Variants in PRDM6 observed in about 807,000 individuals in gnomAD.
PRDM6 encodes the protein PR/SET domain 6.
PRDM6 carries 25 observed loss-of-function variants against 60.8 expected under a neutral mutation model. That is an observed-to-expected ratio of 0.41 (90% CI 0.30 to 0.57). PRDM6 has a LOEUF of 0.57. PRDM6 is among the 20% of genes least tolerant of loss of function. PRDM6 has a pLI of 0.27. For missense variants in PRDM6, 839 were observed against 821.3 expected (o/e 1.02, Z -0.26); for synonymous variants, 407 against 357.4 (o/e 1.14, Z -1.57).
intron 3 of PRDM6, among the ~76,000 whole-genome samples, chr5:123,126,083 A>G (rs465305): frequency 0.88 from 133,734 of 152,202 alleles, 59,223 homozygotes; most frequent in East Asian, 0.99. Context: ...TAAGAACTCA[A>G]TTACTTACAT....
At chr5:123,165,695 A>T (rs972214116) in intron 5 of PRDM6, among the ~76,000 whole-genome samples, 3 of 152,166 alleles carry the variant, frequency 2.0e-5, no homozygotes, top group African/African-American at 7.2e-5. Flanking sequence ...ATTCTTTCAG[A>T]GATAATTTTT....
At chr5:123,164,220 G>A (rs970007758) in intron 5 of PRDM6, among the ~76,000 whole-genome samples, 3 of 152,192 alleles carry the variant, frequency 2.0e-5, no homozygotes, top group Non-Finnish European at 4.4e-5. Context: ...GGTGGCCACA[G>A]CAGAGAGCTT....
chr5:123,151,760 AC>A (rs1304304827), intron 3 of PRDM6, among the ~76,000 whole-genome samples: 4 of 152,060 alleles, frequency 2.6e-5, no homozygotes, highest in Non-Finnish European at 2.9e-5. Context: ...GTGCTTTTTC[AC>A]ACAGGGTCCC....
In PRDM6 at chr5:123,190,291, T is replaced by C. The variant is rs374821350; in HGVS notation, c.*3090T>C. The stretch of plus-strand genomic sequence containing the variant: ...ATGCCAGGGAAAAGTCAGGGTGCAA[T>C]AGGATGAGAGATGGAGCTGCAGACC... On this transcript the variant is annotated 3_prime_UTR_variant, in exon 8 of 8. Coordinates refer to ENST00000407847, the MANE Select transcript of PRDM6 (RefSeq NM_001136239.4). 20 of 152,246 alleles carry C rather than the reference T, an allele frequency of 1.3e-4. 2 individuals carry two copies. Among genetic ancestry groups the C allele is most frequent in the Admixed American group, 4.6e-4 (7 of 15,286 alleles). The allele number at this position is 152,246 out of a possible 1,614,324, so 9.4% of individuals were successfully genotyped here.
rs113781919 is a variant in PRDM6 at position 123,134,454 on chromosome 5, G to A, written c.901-21430G>A. ...AAGTTTATTTTAATGAAAGGAATTG[G>A]TACAGTATGTTAACCAAATATGAAT... On this transcript the variant is annotated intron_variant, in intron 3 of 7. Transcript: ENST00000407847. Among the ~76,000 whole-genome samples, 1,414 of 152,170 alleles carry A rather than the reference G, an allele frequency of 9.3e-3. 30 individuals are homozygous for A. Among genetic ancestry groups the A allele is most frequent in the African/African-American group, 0.032 (1,343 of 41,530 alleles).
intron 3 of PRDM6, among the ~76,000 whole-genome samples, chr5:123,147,279 A>AAGAGAGAGAGAGAGAGAGAGAGAGAGAG (rs3036135): frequency 1.1e-3 from 160 of 147,534 alleles, no homozygotes; most frequent in African/African-American, 3.7e-3. Context: ...TGATACTAAA[A>AAGAGAGAGAGAGAGAGAGAGAGAGAGAG]AGAGAGAGAG....
Position 123,090,463 on chromosome 5 carries a change from G to T in PRDM6, c.449G>T (p.Cys150Phe). 2.0e-6 allele frequency: 3 copies of T among 1,481,840 alleles called. No homozygotes were observed. The South Asian group carries it at 3.8e-5, about 19-fold the overall frequency. The allele number at this position is 1,481,840 out of a possible 1,614,324, so 91.8% of individuals were successfully genotyped here. ...ACCTCCGGCCCCGGGCCCGTCAAGTGCGGTGGTGGTGGCGGCGGCGGCGGG... is the reference window on the plus strand; with the variant it reads ...ACCTCCGGCCCCGGGCCCGTCAAGTTCGGTGGTGGTGGCGGCGGCGGCGGG... Reference protein sequence around the residue: ...GATSGPGPVKCGGGGGGGGEG... With the variant: ...GATSGPGPVKFGGGGGGGGEG... The change falls in exon 2 of 8, where the codon TGC (cysteine) becomes TTC (phenylalanine). Residue 150 changes from cysteine to phenylalanine, a missense_variant. Cys to Phe is a radical substitution (Grantham distance 205). This residue lies in a region of PRDM6 where 730 missense variants were observed against 648.8 expected (regional missense o/e 1.13). Coordinates refer to ENST00000407847, the MANE Select transcript of PRDM6 (RefSeq NM_001136239.4).
At chr5:123,102,983 C>T (rs1349072061) in intron 3 of PRDM6, among the ~76,000 whole-genome samples, 1 of 151,998 alleles carries the variant, frequency 6.6e-6, no homozygotes, top group Non-Finnish European at 1.5e-5. Context: ...GCTCTATTTT[C>T]TTTGTAGAAA....
Position 123,099,757 on chromosome 5 carries a change from G to GC in PRDM6, c.701dup (p.Pro235AlafsTer69). The GC allele has an allele frequency of 6.5e-7, 1 of 1,546,368 alleles. No individual in the cohort carries two copies. The highest frequency in any genetic ancestry group is 8.7e-7 in the Non-Finnish European group (1 of 1,145,076). On this transcript the variant is annotated frameshift_variant, in exon 3 of 8. Coordinates refer to ENST00000407847, the MANE Select transcript of PRDM6 (RefSeq NM_001136239.4). LOFTEE classifies it high-confidence loss of function. This position sits in a 1 kb window ranked among gnomAD's most constrained non-coding sequence, Gnocchi z 4.0. ...GCACCAGCAGCGCTGCGGCCGCCGC[G>GC]CCCCCGCCGGAGCTGCCGGAGTGGC...
At chr5:123,119,282 AG>A (rs771211148) in intron 3 of PRDM6, among the ~76,000 whole-genome samples, 8 of 152,320 alleles carry the variant, frequency 5.3e-5, no homozygotes, top group Non-Finnish European at 1.2e-4. Flanking sequence ...AAACAAGATG[AG>A]AGATTTAAAA....
At chr5:123,155,834 G>T in intron 3 of PRDM6, 50 bp from the exon 4 acceptor site, 1 of 1,534,954 alleles carries the variant, frequency 6.5e-7, no homozygotes, top group South Asian at 1.2e-5. Flanking sequence ...TAGGGAAAAT[G>T]ATTGCTGATG....
At chr5:123,181,645 A>T (rs1049705942) in intron 7 of PRDM6, among the ~76,000 whole-genome samples, 1 of 152,174 alleles carries the variant, frequency 6.6e-6, no homozygotes, top group African/African-American at 2.4e-5. Flanking sequence ...CGCCTTATGT[A>T]CCTTCTGTAG....
rs1766449314 is a variant in PRDM6 at position 123,192,330 on chromosome 5, C to T, written c.*5129C>T. 1.3e-5 allele frequency: 2 copies of T among 152,114 alleles called. No individual in the cohort carries two copies. The highest frequency in any genetic ancestry group is 4.8e-5 in the African/African-American group (2 of 41,428). The allele number at this position is 152,114 out of a possible 1,614,324, so 9.4% of individuals were successfully genotyped here. A position where few individuals can be genotyped will look rare whatever the true frequency, so the allele number is the denominator to read the frequency against. ...TTGTAGCTTCTTTAGTTTTTTTCCT[C>T]CTTCAAAGCCATAAACAGGCAATTG... On this transcript the variant is annotated 3_prime_UTR_variant, in exon 8 of 8. Transcript: ENST00000407847.
intron 3 of PRDM6, among the ~76,000 whole-genome samples, chr5:123,125,684 C>T (rs1764678960): frequency 6.6e-6 from 1 of 152,198 alleles, no homozygotes; most frequent in Non-Finnish European, 1.5e-5. Flanking sequence ...CAGAATGGAA[C>T]ACTTTCTTCT....
Position 123,188,574 on chromosome 5 carries a change from T to C in PRDM6, c.*1373T>C, listed in dbSNP as rs1580549695. On this transcript the variant is annotated 3_prime_UTR_variant, in exon 8 of 8. Transcript: ENST00000407847. ...TGTCTACCTTGATGGCCAGTTTAGA[T>C]AAAAACTGTTCAGTTTTATCTAGAG... 1 of 152,198 alleles carries C rather than the reference T, an allele frequency of 6.6e-6. No homozygotes were observed. The highest frequency in any genetic ancestry group is 1.5e-5 in the Non-Finnish European group (1 of 68,032). The allele number at this position is 152,198 out of a possible 1,614,324, so 9.4% of individuals were successfully genotyped here.
chr5:123,094,448 C>G (rs1763913808), intron 2 of PRDM6, among the ~76,000 whole-genome samples: 1 of 152,004 alleles, frequency 6.6e-6, no homozygotes, highest in African/African-American at 2.4e-5. Flanking sequence ...CTCTCTCTCT[C>G]TCTCTCTCTC....
At chr5:123,186,952 A>C in intron 7 of PRDM6, 135 bp from the exon 8 acceptor site, 2 of 632,308 alleles carry the variant, frequency 3.2e-6, no homozygotes, top group Non-Finnish European at 5.7e-6. Flanking sequence ...GGAAGGAGCC[A>C]CCAATTAAAC....
intron 3 of PRDM6, among the ~76,000 whole-genome samples, chr5:123,136,961 T>A (rs1361335732): frequency 6.6e-6 from 1 of 152,196 alleles, no homozygotes; most frequent in African/African-American, 2.4e-5. Flanking sequence ...GGGCTTTAAT[T>A]CCCAGCTACA....
At chr5:123,092,343 CATCA>C (rs1037812853) in intron 2 of PRDM6, among the ~76,000 whole-genome samples, 6 of 152,202 alleles carry the variant, frequency 3.9e-5, no homozygotes. Flanking sequence ...GAGAATGCTT[CATCA>C]ATCTTGCAAT....
Sources: gnomAD v4.1 joint callset for allele counts (sites outside exome capture counted in the v4.1 genomes callset) on GRCh38, gnomAD v4.1.1 for gene constraint, gnomAD v4.1.1 regional missense constraint, Gnocchi (gnomAD v3.1) non-coding constraint, MANE v1.5 for transcripts, NCBI Gene and HGNC (gene_info 2026-07-23, HGNC 2026-07-21) for gene names.